The following MAGEB10 variants were observed in gnomAD, a reference collection of about 807,000 sequenced individuals.
MAGEB10 encodes MAGE family member B10, also known as melanoma-associated antigen B10.
For synonymous variants in MAGEB10, 99 were observed against 101.0 expected, an observed-to-expected ratio of 0.98 and a Z score of 0.12; for missense variants, 190 against 261.9, an observed-to-expected ratio of 0.73 and a Z score of 1.89.
rs886741132 is a variant in MAGEB10 at position 27,821,201 on chromosome X, C to T, written c.-49-57C>T. 13 of 699,131 alleles carry T rather than the reference C, an allele frequency of 1.9e-5. No homozygotes were observed. In the African/African-American group the frequency reaches 2.4e-4, roughly 13 times the overall value. 57.6% of individuals were successfully genotyped at this position (699,131 alleles called of 1,213,427 possible). Reference sequence around the variant, plus strand: ...CTTTCAGAGGTGGCCGTCAATAAAGCTAAAGTTGTATCTCTCTGCTGAATG... The same window carrying T: ...CTTTCAGAGGTGGCCGTCAATAAAGTTAAAGTTGTATCTCTCTGCTGAATG... On this transcript the variant is annotated intron_variant, in intron 2 of 2. Coordinates refer to ENST00000356790, the MANE Select transcript of MAGEB10 (RefSeq NM_182506.3).
intron 2 of MAGEB10, among the ~76,000 whole-genome samples, chrX:27,820,952 G>T (rs182185359): frequency 5.3e-4 from 59 of 110,659 alleles, no homozygotes; most frequent in Middle Eastern, 9.3e-3. Flanking sequence ...GAAATCAAGA[G>T]GACAGTTCTG....
intron 1 of MAGEB10, among the ~76,000 whole-genome samples, chrX:27,815,027 C>G (rs1602863529): frequency 8.9e-6 from 1 of 111,840 alleles, no homozygotes; most frequent in East Asian, 2.8e-4. Flanking sequence ...TAGGGTCCAT[C>G]CACCCCTAGC....
In MAGEB10 at chrX:27,821,321, G is replaced by A. The variant is rs745329396; in HGVS notation, c.15G>A (p.Gln5=). Residue 5 remains glutamine (Q), a synonymous_variant, in exon 3 of 3, where the codon CAG becomes CAA. Coordinates refer to ENST00000356790, the MANE Select transcript of MAGEB10 (RefSeq NM_182506.3). Reference sequence around the variant, plus strand: ...ACAGAGTCATCATGCCTCGAGGTCAGAAGAGTAAACTCCGTGCCAGGGAAA... The same window carrying A: ...ACAGAGTCATCATGCCTCGAGGTCAAAAGAGTAAACTCCGTGCCAGGGAAA... MPRG[Q]KSKLRAREKR... 3.3e-6 allele frequency: 4 copies of A among 1,208,423 alleles called. No individual in the cohort carries two copies. Among genetic ancestry groups the A allele is most frequent in the African/African-American group, 1.7e-5 (1 of 57,278 alleles).
Position 27,813,479 on chromosome X carries a change from G to A in MAGEB10, c.-198-4075G>A, listed in dbSNP as rs1038731961. ...ACATTACTTGGGCATCTGTTCTTTG[G>A]AGGGAAGGCGCCATGCTGGTACTGG... On this transcript the variant is annotated intron_variant, in intron 1 of 2. Coordinates refer to ENST00000356790, the MANE Select transcript of MAGEB10 (RefSeq NM_182506.3). Among the ~76,000 whole-genome samples the A allele has an allele frequency of 5.9e-4, 66 of 111,889 alleles. 1 individual carries two copies. The highest frequency in any genetic ancestry group is 2.1e-3 in the African/African-American group (65 of 30,678).
chrX:27,809,280 G>C (rs945405538), intron 1 of MAGEB10, among the ~76,000 whole-genome samples: 1 of 108,325 alleles, frequency 9.2e-6, no homozygotes, highest in African/African-American at 3.4e-5. Context: ...TTAGCACCTG[G>C]GCCAGTAGTT....
chrX:27,817,739 T>C (rs1047505842), intron 2 of MAGEB10, 37 bp downstream of exon 2: 2 of 111,217 alleles, frequency 1.8e-5, no homozygotes, highest in African/African-American at 6.5e-5. Flanking sequence ...TGTTTACATA[T>C]TGCTCCACAA....
chrX:27,820,450 G>A (rs1042965574), intron 2 of MAGEB10, among the ~76,000 whole-genome samples: 1 of 110,684 alleles, frequency 9.0e-6, no homozygotes, highest in Non-Finnish European at 1.9e-5. Flanking sequence ...GGGAGGGGAG[G>A]GCGTTGGACC....
chrX:27,808,069 G>C (rs769156876), intron 1 of MAGEB10, 33 bp downstream of exon 1: 2 of 112,725 alleles, frequency 1.8e-5, no homozygotes, highest in African/African-American at 6.4e-5. Context: ...CATTTGAGGG[G>C]ACCCACTACC....
intron 1 of MAGEB10, among the ~76,000 whole-genome samples, chrX:27,811,458 C>T (rs374704564): frequency 2.4e-4 from 27 of 111,506 alleles, no homozygotes; most frequent in East Asian, 2.3e-3. Flanking sequence ...AGGATATGAG[C>T]GCTTTGGAAT....
In MAGEB10 at chrX:27,822,025, T is replaced by C; in HGVS notation, c.719T>C (p.Met240Thr). 8.3e-7 allele frequency: 1 copy of C among 1,211,964 alleles called. No individual in the cohort carries two copies. The highest frequency in any genetic ancestry group is 1.1e-6 in the Non-Finnish European group (1 of 895,615). ...TTATATGACGGAATTGAGCACTTCA[T>C]GTTTGGGGAGCCCAGGAAGCTCCTT... ...MGLYDGIEHF[M>T]FGEPRKLLTK... Residue 240 changes from methionine (M) to threonine (T), a missense_variant, in exon 3 of 3, where the codon ATG (methionine) becomes ACG (threonine). Transcript: ENST00000356790.
rs1244388853 is a variant in MAGEB10 at position 27,817,639 on chromosome X, A to G, written c.-113A>G. On this transcript the variant is annotated 5_prime_UTR_variant, in exon 2 of 3. Transcript: ENST00000356790. ...AGCCTAGAACTCCTGAGCTCAAGCA[A>G]TCCTCCCACCTCAGCCTTTCAAGCA... 1 of 110,651 alleles carries G rather than the reference A, an allele frequency of 9.0e-6. No individual in the cohort carries two copies. Among genetic ancestry groups the G allele is most frequent in the Admixed American group, 9.7e-5 (1 of 10,260 alleles). The allele number at this position is 110,651 out of a possible 1,213,427, so 9.1% of individuals were successfully genotyped here.
Position 27,821,849 on chromosome X carries a change from C to T in MAGEB10, c.543C>T (p.Val181=), listed in dbSNP as rs1189143304. The T allele has an allele frequency of 6.6e-6, 8 of 1,211,655 alleles. No homozygotes were observed. The highest frequency in any genetic ancestry group is 7.8e-6 in the Non-Finnish European group (7 of 895,553). The change falls in exon 3 of 3, where the codon GTC becomes GTT. Residue 181 remains valine (V), a synonymous_variant. Coordinates refer to ENST00000356790, the MANE Select transcript of MAGEB10 (RefSeq NM_182506.3). ...VEPNKHIYVL[V]NKLDLGCDAK... ...CTAATAAGCACATCTATGTCCTTGT[C>T]AACAAACTAGATCTAGGCTGTGATG...
chrX:27,808,642 G>A (rs767023150), intron 1 of MAGEB10, among the ~76,000 whole-genome samples: 10 of 111,016 alleles, frequency 9.0e-5, no homozygotes, highest in Non-Finnish European at 1.5e-4. Context: ...AAAAAACCCC[G>A]GGCAGGGATC....
Position 27,821,601 on chromosome X carries a change from G to C in MAGEB10, c.295G>C (p.Asp99His). Reference sequence around the variant, plus strand: ...GGAAGAAAGGCCAATATGCACACAAGATCTAGAAGCCACTGATAGCTTTCC... The same window carrying C: ...GGAAGAAAGGCCAATATGCACACAACATCTAGAAGCCACTGATAGCTTTCC... ...QMEERPICTQ[D>H]LEATDSFPRG... Residue 99 changes from aspartate (D) to histidine (H), a missense_variant, in exon 3 of 3, where the codon GAT (aspartate) becomes CAT (histidine). Physicochemically the swap from Asp to His is moderately conservative, Grantham distance 81. Transcript: ENST00000356790. 8.3e-7 allele frequency: 1 copy of C among 1,210,706 alleles called. No individual in the cohort carries two copies.
In MAGEB10 at chrX:27,821,777, T is replaced by C; in HGVS notation, c.471T>C (p.Ser157=). 8.3e-7 allele frequency: 1 copy of C among 1,212,007 alleles called. No homozygotes were observed. The highest frequency in any genetic ancestry group is 1.8e-5 in the South Asian group (1 of 57,007). Reference sequence around the variant, plus strand: ...TCCCTGTAATCCTGAGCAGAGCTTCTGAGCACCTGGAGCTGATCTTTGGTC... The same window carrying C: ...TCCCTGTAATCCTGAGCAGAGCTTCCGAGCACCTGGAGCTGATCTTTGGTC... ...SQFPVILSRA[S]EHLELIFGLD... Residue 157 remains serine (S), a synonymous_variant, in exon 3 of 3, where the codon TCT becomes TCC. Transcript: ENST00000356790.
chrX:27,822,480 AT>A lies in MAGEB10; in HGVS notation c.*135del. 13 of 621,678 alleles carry A rather than the reference AT, an allele frequency of 2.1e-5. No individual in the cohort carries two copies. The highest frequency in any genetic ancestry group is 3.1e-5 in the Non-Finnish European group (13 of 416,361). 51.2% of individuals were successfully genotyped at this position (621,678 alleles called of 1,213,427 possible). A position where few individuals can be genotyped will look rare whatever the true frequency, so the allele number is the denominator to read the frequency against. ...TTAATGTTCTATGTGATGGCTTGGA[AT>A]TTTTGAAGATGTTGTTCCTTTAATA... On this transcript the variant is annotated 3_prime_UTR_variant, in exon 3 of 3. Coordinates refer to ENST00000356790, the MANE Select transcript of MAGEB10 (RefSeq NM_182506.3).
chrX:27,822,627 A>T lies in MAGEB10; in HGVS notation c.*277A>T, dbSNP rs1280097492. ...AGTCTAATTGGGAAACTCTCCATTT[A>T]TTTAGTGATCGAAACACGATAGCAT... On this transcript the variant is annotated 3_prime_UTR_variant, in exon 3 of 3. Transcript: ENST00000356790. 1.2e-5 allele frequency: 4 copies of T among 335,550 alleles called. No individual in the cohort carries two copies. Among genetic ancestry groups the T allele is most frequent in the Non-Finnish European group, 2.1e-5 (4 of 188,626 alleles). 27.7% of individuals were successfully genotyped at this position (335,550 alleles called of 1,213,427 possible).
At chrX:27,811,907 G>A (rs113544819) in intron 1 of MAGEB10, 13 of 143,835 alleles carry the variant, frequency 9.0e-5, no homozygotes, top group African/African-American at 3.5e-4. Context: ...AGAAAAGTAA[G>A]CCCCGTGCCC....
In MAGEB10 at chrX:27,822,356, G is replaced by A. The variant is rs1474150545; in HGVS notation, c.*6G>A. On this transcript the variant is annotated 3_prime_UTR_variant, in exon 3 of 3. Transcript: ENST00000356790. ...AGTCCTCCCAACTGCAGTAAAGTCT[G>A]AGGGAGATTCTTCATTTGTGTTTGA... The A allele has an allele frequency of 2.5e-6, 3 of 1,190,263 alleles. No individual in the cohort carries two copies. The highest frequency in any genetic ancestry group is 1.9e-5 in the South Asian group (1 of 53,251).
Sources: gnomAD v4.1 joint callset for allele counts (sites outside exome capture counted in the v4.1 genomes callset) on GRCh38, gnomAD v4.1.1 for gene constraint, MANE v1.5 for transcripts, NCBI Gene and HGNC (gene_info 2026-07-23, HGNC 2026-07-21) for gene names.